LRRC32: variants seen among roughly 807,000 people sequenced by gnomAD.
LRRC32 encodes leucine rich repeat containing 32, also known as transforming growth factor beta activator LRRC32.
LRRC32 carries 5 observed loss-of-function variants against 15.0 expected under a neutral mutation model. The ratio of observed to expected loss-of-function variants is 0.33; its 90% CI spans 0.17 to 0.70. The LOEUF is 0.70. Ranked by LOEUF, LRRC32 falls within the 30% of genes least tolerant of loss-of-function variation. The probability of loss-of-function intolerance (pLI) is 0.66; values close to 1 mark genes in which losing one functional copy is unlikely to be tolerated. For missense variants in LRRC32, 803 were observed against 854.2 expected, an observed-to-expected ratio of 0.94 and a Z score of 0.75; for synonymous variants, 391 against 403.9, an observed-to-expected ratio of 0.97 and a Z score of 0.38.
rs1489098388 is a variant in LRRC32, at chr11:76,660,516, T to C, written c.1077A>G (p.Leu359=). ...GGAGCATCAGGCAGGGCAGGGAGCC[T>C]AAGCGCCGGGCCTCAAAGGTCCGCA... The part of the protein sequence containing the change: ...NCLRTFEARR[L]GSLPCLMLLD... Residue 359 remains leucine (L), a synonymous_variant, in exon 3 of 3, where the codon TTA becomes TTG. Coordinates refer to ENST00000260061, the MANE Select transcript of LRRC32 (RefSeq NM_001128922.2). The C allele has an allele frequency of 1.9e-6, 3 of 1,614,086 alleles. No homozygotes were observed. Among genetic ancestry groups the C allele is most frequent in the Non-Finnish European group, 2.5e-6 (3 of 1,179,996 alleles).
intron 2 of LRRC32, among the ~76,000 whole-genome samples, 174 bp downstream of exon 2, chr11:76,665,697 G>A (rs1389385209): frequency 6.6e-6 from 1 of 152,204 alleles, no homozygotes; most frequent in Non-Finnish European, 1.5e-5. Flanking sequence ...TACCTGGCAG[G>A]ACTGTGGGTA....
chr11:76,665,331 C>T (rs570584710), intron 2 of LRRC32, among the ~76,000 whole-genome samples: 9 of 152,224 alleles, frequency 5.9e-5, no homozygotes, highest in South Asian at 2.1e-4. Flanking sequence ...TGTGATCAGA[C>T]TAGGCCAGCC....
chr11:76,665,642 TC>T (rs2120092389), intron 2 of LRRC32, among the ~76,000 whole-genome samples: 1 of 152,324 alleles, frequency 6.6e-6, no homozygotes, highest in East Asian at 1.9e-4. Context: ...GCCCAATCTC[TC>T]CAAGCCTCAG....
chr11:76,668,013 C>G (rs1952652537), intron 1 of LRRC32, among the ~76,000 whole-genome samples: 2 of 152,250 alleles, frequency 1.3e-5, no homozygotes, highest in Admixed American at 6.5e-5. Context: ...GTGAGCACAG[C>G]ACCAAGCCCT....
chr11:76,660,591 A>G lies in LRRC32; in HGVS notation c.1002T>C (p.Phe334=), dbSNP rs780797528. Residue 334 remains phenylalanine (F), a synonymous_variant, in exon 3 of 3, where the codon TTT becomes TTC. Coordinates refer to ENST00000260061, the MANE Select transcript of LRRC32 (RefSeq NM_001128922.2). ...AGCACAGGGAGGTCAGGTGCTCAAGAAAGCTGTCGGGGATGAGCTCAATCT... is the reference window on the plus strand; with the variant it reads ...AGCACAGGGAGGTCAGGTGCTCAAGGAAGCTGTCGGGGATGAGCTCAATCT... ...YNEIELIPDS[F]LEHLTSLCFL... is the part of the protein sequence containing the mutation. The G allele has an allele frequency of 3.1e-6, 5 of 1,614,130 alleles. No individual in the cohort carries two copies. Among genetic ancestry groups the G allele is most frequent in the Middle Eastern group, 1.7e-4 (1 of 6,060 alleles).
rs1312452967 is a variant in LRRC32, at chr11:76,661,090, G to T, written c.503C>A (p.Thr168Asn). 1 of 1,614,124 alleles carries T rather than the reference G, an allele frequency of 6.2e-7. No individual in the cohort carries two copies. The highest frequency in any genetic ancestry group is 1.1e-5 in the South Asian group (1 of 91,088). Residue 168 changes from threonine to asparagine, a missense_variant, in exon 3 of 3, where the codon ACC (threonine) becomes AAC (asparagine). Coordinates refer to ENST00000260061, the MANE Select transcript of LRRC32 (RefSeq NM_001128922.2). Reference sequence around the variant, plus strand: ...CTCCAGCGCAGGCATGTCCCGGAAGGTGTGGCGGGTGAGGCGAGTCAGACT... The same window carrying T: ...CTCCAGCGCAGGCATGTCCCGGAAGTTGTGGCGGGTGAGGCGAGTCAGACT... ...ENSLTRLTRH[T>N]FRDMPALEQL...
chr11:76,659,729 C>T lies in LRRC32; in HGVS notation c.1864G>A (p.Gly622Arg), dbSNP rs1290467042. The T allele has an allele frequency of 3.7e-6, 6 of 1,614,070 alleles. No individual in the cohort carries two copies. Among genetic ancestry groups the T allele is most frequent in the Non-Finnish European group, 5.1e-6 (6 of 1,180,030 alleles). Residue 622 changes from glycine to arginine, a missense_variant, in exon 3 of 3, where the codon GGA (glycine) becomes AGA (arginine). Physicochemically the swap from Gly to Arg is moderately radical, Grantham distance 125 (BLOSUM62 -2). Transcript: ENST00000260061. ...ATGATGAGGTTGATGTTCTTCAGTC[C>T]CCCCTTCTCACAGTCCTCGGGACGC... ...HVRPEDCEKGGLKNINLIIIL... is the reference protein window; with the variant it reads ...HVRPEDCEKGRLKNINLIIIL...
chr11:76,669,345 ATG>A (rs112355864), intron 1 of LRRC32, among the ~76,000 whole-genome samples: 2,311 of 123,388 alleles, frequency 0.019, 31 homozygotes, highest in East Asian at 0.068. Flanking sequence ...GTGCCAAAGA[ATG>A]TGTGTGTGTG....
rs751596693 is a variant in LRRC32 at position 76,660,291 on chromosome 11, G to A, written c.1302C>T (p.Ser434=). The A allele has an allele frequency of 5.4e-5, 86 of 1,584,506 alleles. No individual in the cohort carries two copies. The highest frequency in any genetic ancestry group is 6.6e-5 in the Non-Finnish European group (77 of 1,167,568). The change falls in exon 3 of 3, where the codon TCC becomes TCT. Residue 434 remains serine (S), a synonymous_variant. Coordinates refer to ENST00000260061, the MANE Select transcript of LRRC32 (RefSeq NM_001128922.2). ...TGATGCCGGAGAAGGCCACACAGCC[G>A]GAGGGGCCAGGCTCATCTGGCCCCC... ...PCGGPDEPGP[S]GCVAFSGITS...
At chr11:76,669,217 C>G (rs1280299828) in intron 1 of LRRC32, among the ~76,000 whole-genome samples, 1 of 152,282 alleles carries the variant, frequency 6.6e-6, no homozygotes, top group Non-Finnish European at 1.5e-5. Context: ...CAGTGACCCT[C>G]GCAGGGCTGA....
chr11:76,666,051 C>A, intron 1 of LRRC32, 93 bp from the exon 2 acceptor site: 1 of 1,133,366 alleles, frequency 8.8e-7, no homozygotes, highest in South Asian at 1.3e-5. Flanking sequence ...TGCCTGCCCT[C>A]AGGGAACCCC....
intron 2 of LRRC32, among the ~76,000 whole-genome samples, chr11:76,661,889 C>T (rs899373276): frequency 2.0e-5 from 3 of 152,198 alleles, no homozygotes; most frequent in African/African-American, 7.2e-5. Context: ...CAGTGAGCAG[C>T]AGGGCAGAGC....
rs933197750 is a variant in LRRC32 at position 76,659,219 on chromosome 11, G to C, written c.*385C>G. The stretch of plus-strand genomic sequence containing the variant: ...TCAGGCCCTAAGCACACTGCGTGGC[G>C]GCCACGTGGCTCTGCAGCACTCTCT... On this transcript the variant is annotated 3_prime_UTR_variant, in exon 3 of 3. Transcript: ENST00000260061. 1.3e-5 allele frequency: 3 copies of C among 224,372 alleles called. No individual in the cohort carries two copies. Among genetic ancestry groups the C allele is most frequent in the African/African-American group, 6.9e-5 (3 of 43,776 alleles). The allele number at this position is 224,372 out of a possible 1,614,324, so 13.9% of individuals were successfully genotyped here.
At chr11:76,667,769 C>T (rs1423769836) in intron 1 of LRRC32, among the ~76,000 whole-genome samples, 4 of 152,284 alleles carry the variant, frequency 2.6e-5, no homozygotes, top group Non-Finnish European at 5.9e-5. Flanking sequence ...CAGCTCTGCT[C>T]TCCAGCCTGC....
At position 76,661,501 on chromosome 11, in the gene LRRC32, T is replaced by C. The variant is rs1952532852; in HGVS notation, c.92A>G (p.Lys31Arg). The C allele has an allele frequency of 6.2e-7, 1 of 1,602,328 alleles. No homozygotes were observed. Among genetic ancestry groups the C allele is most frequent in the East Asian group, 2.2e-5 (1 of 44,554 alleles). ...QDKVPCKMVD[K>R]KVSCQVLGLL... is the part of the protein sequence containing the mutation. ...GCCCAGAACCTGGCACGAGACCTTCTTGTCCACCTGGGGAGGGGTAGGGTG... is the reference window on the plus strand; with the variant it reads ...GCCCAGAACCTGGCACGAGACCTTCCTGTCCACCTGGGGAGGGGTAGGGTG... Residue 31 changes from lysine to arginine, a missense_variant, in exon 3 of 3, where the codon AAG becomes AGG. Lys to Arg is a conservative substitution (Grantham distance 26). Transcript: ENST00000260061.
chr11:76,667,139 G>A (rs1363753225), intron 1 of LRRC32, among the ~76,000 whole-genome samples: 1 of 152,240 alleles, frequency 6.6e-6, no homozygotes, highest in Non-Finnish European at 1.5e-5. Flanking sequence ...CCTCCATTAT[G>A]CAGTAGGCCC....
At chr11:76,662,388 C>T (rs558694529) in intron 2 of LRRC32, among the ~76,000 whole-genome samples, 75 of 152,168 alleles carry the variant, frequency 4.9e-4, no homozygotes, top group Admixed American at 2.0e-3. Context: ...ACTTTCAGGC[C>T]CATGGTCCCA....
intron 2 of LRRC32, chr11:76,662,925 A>G (rs1439791153): frequency 6.6e-6 from 1 of 151,144 alleles, no homozygotes; most frequent in African/African-American, 2.4e-5. Context: ...ACTGCCCATC[A>G]TGCGCTCCCA....
rs1590765309 is a variant in LRRC32, at chr11:76,661,391, G to T, written c.202C>A (p.Pro68Thr). 4.3e-6 allele frequency: 7 copies of T among 1,614,164 alleles called. No individual in the cohort carries two copies. The highest frequency in any genetic ancestry group is 5.9e-6 in the Non-Finnish European group (7 of 1,179,990). The change falls in exon 3 of 3, where the codon CCC becomes ACC. Residue 68 changes from proline (P) to threonine (T), a missense_variant. Transcript: ENST00000260061. ...CGAAGTGCTGTGTAGAAGCCCAGGG[G>T]TGAGGCCAGGATACTCCGCAGCTGG... is the stretch of plus-strand genomic sequence containing the variant. ...GNQLRSILASPLGFYTALRHL... is the reference protein window; with the variant it reads ...GNQLRSILASTLGFYTALRHL...
Sources: gnomAD v4.1 joint callset for allele counts (sites outside exome capture counted in the v4.1 genomes callset) on GRCh38, gnomAD v4.1.1 for gene constraint, MANE v1.5 for transcripts, NCBI Gene and HGNC (gene_info 2026-07-23, HGNC 2026-07-21) for gene names.